TM7SF3: variants seen among roughly 807,000 people sequenced by gnomAD.
TM7SF3 encodes transmembrane 7 superfamily member 3.
TM7SF3 carries 60 observed loss-of-function variants against 65.5 expected under a neutral mutation model. That is an observed-to-expected ratio of 0.92 (90% CI 0.74 to 1.14). The LOEUF is 1.14. TM7SF3 is among the 50% of genes most tolerant of loss of function. The probability of loss-of-function intolerance (pLI) is 0.00; values close to 1 mark genes in which losing one functional copy is unlikely to be tolerated. For missense variants in TM7SF3, 623 were observed against 684.8 expected (o/e 0.91, Z 1.01); for synonymous variants, 264 against 259.6 (o/e 1.02, Z -0.16).
intron 1 of TM7SF3, chr12:27,012,718 G>A (rs1266559839): frequency 6.6e-6 from 3 of 455,788 alleles, no homozygotes; most frequent in Admixed American, 2.4e-5. Flanking sequence ...ACCTGAAATC[G>A]GCCGGGCGCG....
chr12:27,006,200 G>A (rs11048810), intron 1 of TM7SF3, among the ~76,000 whole-genome samples: 10,540 of 138,368 alleles, frequency 0.076, 453 homozygotes, highest in Non-Finnish European at 0.1. Flanking sequence ...GTGCAGTGGC[G>A]CAATCTTAGC....
At chr12:26,997,719 A>C (rs764919799) in intron 3 of TM7SF3, among the ~76,000 whole-genome samples, 2 of 151,956 alleles carry the variant, frequency 1.3e-5, no homozygotes, top group Non-Finnish European at 2.9e-5. Context: ...TGTGCCACTA[A>C]AGTGACTCTC....
chr12:26,984,497 T>C (rs1049171387), intron 6 of TM7SF3, among the ~76,000 whole-genome samples: 3 of 151,308 alleles, frequency 2.0e-5, no homozygotes, highest in African/African-American at 2.4e-5. Flanking sequence ...AAACACCACA[T>C]TGTTTATTTC....
At chr12:27,007,117 G>C (rs908157807) in intron 1 of TM7SF3, among the ~76,000 whole-genome samples, 1 of 152,108 alleles carries the variant, frequency 6.6e-6, no homozygotes, top group Non-Finnish European at 1.5e-5. Context: ...CAATGATTAG[G>C]ACCAAAAATT....
intron 1 of TM7SF3, 23 bp downstream of exon 1, chr12:27,014,055 G>A: frequency 6.4e-7 from 1 of 1,552,202 alleles, no homozygotes; most frequent in Non-Finnish European, 8.7e-7. Context: ...TTGGGTTGCA[G>A]AAGCCAGGCG....
chr12:26,999,730 T>C, intron 2 of TM7SF3, 54 bp from the exon 3 acceptor site: 1 of 1,599,558 alleles, frequency 6.3e-7, no homozygotes, highest in Non-Finnish European at 8.6e-7. Context: ...AAACATAAAT[T>C]ACTGAGCTGA....
rs1383901942 is a variant in TM7SF3, at chr12:27,003,214, TAA to T, written c.246+20_246+21del. 3.9e-6 allele frequency: 6 copies of T among 1,557,068 alleles called. No homozygotes were observed. The East Asian group carries it at 1.3e-4, about 35-fold the overall frequency. On this transcript the variant is annotated intron_variant, in intron 2 of 11. Coordinates refer to ENST00000343028, the MANE Select transcript of TM7SF3 (RefSeq NM_016551.3). ...CCCAAAATATAGAAATGATTTTTAC[TAA>T]AATAATTCTTTGCACTTACCGGAGA...
In TM7SF3 at chr12:26,999,608, C is replaced by G. The variant is rs201828931; in HGVS notation, c.315G>C (p.Gln105His). ...SGLVFILRPE[Q>H]STCTWYLGTS... The stretch of plus-strand genomic sequence containing the variant: ...TCCCCAAGTACCAAGTGCATGTACT[C>G]TGCTCTGGTCTAAGGATGAAAACCA... Residue 105 changes from glutamine to histidine, a missense_variant, in exon 3 of 12, where the codon CAG becomes CAC. By Grantham distance (24) the Gln-to-His change is conservative. Coordinates refer to ENST00000343028, the MANE Select transcript of TM7SF3 (RefSeq NM_016551.3). The G allele has an allele frequency of 1.9e-6, 3 of 1,614,120 alleles. No individual in the cohort carries two copies. The Admixed American group carries it at 5.0e-5, about 27-fold the overall frequency.
chr12:26,991,141 C>CTTTTTTTTT (rs35362439), intron 5 of TM7SF3, among the ~76,000 whole-genome samples: 1 of 107,482 alleles, frequency 9.3e-6, no homozygotes, highest in Non-Finnish European at 1.9e-5. Flanking sequence ...AGTAGTAGTT[C>CTTTTTTTTT]TTTTTTTTTT....
At chr12:26,985,997 TG>T (rs1336173105) in intron 6 of TM7SF3, among the ~76,000 whole-genome samples, 3 of 131,486 alleles carry the variant, frequency 2.3e-5, no homozygotes, top group African/African-American at 9.5e-5. Context: ...TGTTTTGTAT[TG>T]TTTTTTTTTT....
chr12:27,014,098 A>G lies in TM7SF3; in HGVS notation c.71T>C (p.Val24Ala). ...CTTACCCTCGCTGGAATTCCCGAAGACCTCGGCTGCACCAGCCACCCGGTG... is the reference window on the plus strand; with the variant it reads ...CTTACCCTCGCTGGAATTCCCGAAGGCCTCGGCTGCACCAGCCACCCGGTG... Reference protein sequence around the residue: ...SEHRVAGAAEVFGNSSEGLIE... With the variant: ...SEHRVAGAAEAFGNSSEGLIE... Residue 24 changes from valine (V) to alanine (A), a missense_variant, in exon 1 of 12, where the codon GTC becomes GCC. Coordinates refer to ENST00000343028, the MANE Select transcript of TM7SF3 (RefSeq NM_016551.3). 3.2e-6 allele frequency: 5 copies of G among 1,571,624 alleles called. No homozygotes were observed. Among genetic ancestry groups the G allele is most frequent in the Non-Finnish European group, 4.3e-6 (5 of 1,158,300 alleles).
At chr12:26,980,029 AGCTT>A in intron 8 of TM7SF3, 93 bp from the exon 9 acceptor site, 1 of 1,465,516 alleles carries the variant, frequency 6.8e-7, no homozygotes, top group African/African-American at 1.4e-5. Context: ...TGCCAGCTTC[AGCTT>A]TCTGTAGGTC....
intron 2 of TM7SF3, among the ~76,000 whole-genome samples, chr12:27,002,771 G>C (rs1009621257): frequency 6.6e-6 from 1 of 152,176 alleles, no homozygotes; most frequent in African/African-American, 2.4e-5. Flanking sequence ...TGGATGAACT[G>C]AGCACTATAA....
intron 6 of TM7SF3, among the ~76,000 whole-genome samples, chr12:26,988,060 AT>A (rs1940176683): frequency 6.6e-6 from 1 of 151,774 alleles, no homozygotes; most frequent in South Asian, 2.1e-4. Flanking sequence ...AAAGATTAAA[AT>A]TAAAAAAAAA....
intron 1 of TM7SF3, among the ~76,000 whole-genome samples, chr12:27,004,036 C>T (rs1444623792): frequency 6.6e-6 from 1 of 152,154 alleles, no homozygotes; most frequent in Non-Finnish European, 1.5e-5. Context: ...CTTTTGTTTG[C>T]TTAAGGATCA....
chr12:26,985,955 G>T (rs1940070988), intron 6 of TM7SF3, among the ~76,000 whole-genome samples: 1 of 150,218 alleles, frequency 6.7e-6, no homozygotes, highest in Non-Finnish European at 1.5e-5. Context: ...TAGTAGCTGG[G>T]ACTACAGGCG....
chr12:26,989,502 C>T (rs11829670), intron 6 of TM7SF3, among the ~76,000 whole-genome samples: 1 of 151,954 alleles, frequency 6.6e-6, no homozygotes, highest in African/African-American at 2.4e-5. Context: ...CCCACAACCC[C>T]TACACTGTTC....
chr12:26,987,231 T>C (rs1374779557), intron 6 of TM7SF3, among the ~76,000 whole-genome samples: 1 of 152,224 alleles, frequency 6.6e-6, no homozygotes, highest in African/African-American at 2.4e-5. Context: ...ATATATATAA[T>C]CAACCATCAG....
intron 5 of TM7SF3, among the ~76,000 whole-genome samples, chr12:26,992,390 T>C (rs1039600180): frequency 6.6e-6 from 1 of 152,128 alleles, no homozygotes; most frequent in Non-Finnish European, 1.5e-5. Flanking sequence ...GCCATTCTCC[T>C]GCCTCAGCCT....
Sources: allele counts gnomAD v4.1 joint callset (sites outside exome capture counted in the v4.1 genomes callset), GRCh38; gene constraint gnomAD v4.1.1; transcripts MANE v1.5; gene names NCBI Gene and HGNC (gene_info 2026-07-23, HGNC 2026-07-21).